Variants in GPM6B observed in about 807,000 individuals in gnomAD.
GPM6B encodes neuronal membrane glycoprotein M6-b.
A neutral mutation model predicts 27.2 loss-of-function variants in GPM6B; 4 were observed. The ratio of observed to expected loss-of-function variants is 0.15; its 90% confidence interval spans 0.07 to 0.34. GPM6B has a LOEUF of 0.34. GPM6B is among the 10% of genes least tolerant of loss of function. GPM6B has a pLI of 1.00. For synonymous variants in GPM6B, 124 were observed against 103.1 expected (o/e 1.20, Z -1.23); for missense variants, 183 against 261.9 (o/e 0.70, Z 2.08).
chrX:13,887,247 G>A (rs1331420832), intron 1 of GPM6B, among the ~76,000 whole-genome samples: 1 of 112,608 alleles, frequency 8.9e-6, no homozygotes, highest in Non-Finnish European at 1.9e-5. Flanking sequence ...GGACTAAAGA[G>A]GGAAGAGTTA....
chrX:13,803,394 C>T (rs1052691689), intron 2 of GPM6B, among the ~76,000 whole-genome samples: 8 of 111,151 alleles, frequency 7.2e-5, no homozygotes, highest in African/African-American at 2.3e-4. Flanking sequence ...ACCAACACTC[C>T]AGAGGGCCCT....
At chrX:13,799,917 C>A (rs1326345288) in intron 2 of GPM6B, among the ~76,000 whole-genome samples, 5 of 111,622 alleles carry the variant, frequency 4.5e-5, no homozygotes, top group Non-Finnish European at 1.9e-5. Flanking sequence ...AAGACACCAC[C>A]CCCAATGATC....
Position 13,771,436 on chromosome X carries a change from AAG to A in GPM6B, c.*1443_*1444del, listed in dbSNP as rs1443389235. 1 of 112,123 alleles carries A rather than the reference AAG, an allele frequency of 8.9e-6. No homozygotes were observed. Among genetic ancestry groups the A allele is most frequent in the East Asian group, 2.8e-4 (1 of 3,609 alleles). The allele number at this position is 112,123 out of a possible 1,213,427, so 9.2% of individuals were successfully genotyped here. ...AGGCATTTTTAGGCATTAACCAAAA[AAG>A]AGAATCCAAATGAAATATTATACTT... is the stretch of plus-strand genomic sequence containing the variant. On this transcript the variant is annotated 3_prime_UTR_variant, in exon 8 of 8. Transcript: ENST00000316715.
At chrX:13,842,090 A>C (rs750266061) in intron 1 of GPM6B, among the ~76,000 whole-genome samples, 625 of 111,935 alleles carry the variant, frequency 5.6e-3, no homozygotes, top group Non-Finnish European at 8.8e-3. Context: ...TTTAAGTTTT[A>C]CATTCCAAAA....
At chrX:13,841,847 A>G (rs2049579869) in intron 1 of GPM6B, among the ~76,000 whole-genome samples, 1 of 111,022 alleles carries the variant, frequency 9.0e-6, no homozygotes, top group Non-Finnish European at 1.9e-5. Context: ...CTCACCCACC[A>G]TGTTTCTCTT....
At chrX:13,915,546 C>A (rs1394134909) in intron 1 of GPM6B, among the ~76,000 whole-genome samples, 2 of 112,475 alleles carry the variant, frequency 1.8e-5, no homozygotes, top group Non-Finnish European at 3.8e-5. Context: ...AGCCAGAATT[C>A]TTGGGCTTAA....
chrX:13,804,968 C>A (rs2048996396), intron 2 of GPM6B, among the ~76,000 whole-genome samples: 1 of 111,196 alleles, frequency 9.0e-6, no homozygotes, highest in African/African-American at 3.3e-5. Flanking sequence ...GAGTGGGTCC[C>A]TTCACTCTGT....
upstream of GPM6B, chrX:13,817,153 C>T (rs1168970741): frequency 3.2e-6 from 3 of 935,636 alleles, no homozygotes; most frequent in East Asian, 1.3e-4. Flanking sequence ...ACCGAGGATC[C>T]CAGTTAGAAA....
chrX:13,935,093 G>A (rs1361179556), intron 1 of GPM6B, among the ~76,000 whole-genome samples: 1 of 111,821 alleles, frequency 8.9e-6, no homozygotes, highest in Non-Finnish European at 1.9e-5. Context: ...TGAAATTATT[G>A]ACATTTAAAT....
At chrX:13,826,576 A>C (rs2049376119) in intron 1 of GPM6B, among the ~76,000 whole-genome samples, 1 of 93,415 alleles carries the variant, frequency 1.1e-5, no homozygotes. Context: ...ATACATACAT[A>C]CATACATACA....
At chrX:13,900,130 A>C (rs1478029696) in intron 1 of GPM6B, among the ~76,000 whole-genome samples, 1 of 111,813 alleles carries the variant, frequency 8.9e-6, no homozygotes, top group Non-Finnish European at 1.9e-5. Flanking sequence ...GTAATGCCTC[A>C]TAGGTGGTCC....
chrX:13,937,676 TAC>T (rs1263152248), intron 1 of GPM6B, among the ~76,000 whole-genome samples: 15 of 111,664 alleles, frequency 1.3e-4, no homozygotes, highest in Admixed American at 1.9e-4. Flanking sequence ...TTCCTCCCAA[TAC>T]AGAGTCCCCA....
chrX:13,931,295 A>AGGAGATAGAGACCATCCT (rs1569314292), intron 1 of GPM6B, among the ~76,000 whole-genome samples: 2 of 110,924 alleles, frequency 1.8e-5, no homozygotes, highest in Non-Finnish European at 3.8e-5. Context: ...TCACAAGGTC[A>AGGAGATAGAGACCATCCT]GGCTATCATG....
chrX:13,784,254 T>C (rs768020644), intron 3 of GPM6B, among the ~76,000 whole-genome samples: 1 of 112,578 alleles, frequency 8.9e-6, no homozygotes, highest in African/African-American at 3.2e-5. Context: ...GGGTAAGGCA[T>C]GGGGATTTTC....
intron 1 of GPM6B, among the ~76,000 whole-genome samples, chrX:13,809,146 T>A (rs180682578): frequency 8.9e-6 from 1 of 111,819 alleles, no homozygotes; most frequent in South Asian, 3.7e-4. Context: ...TATTATTCCA[T>A]TTTTACAAGG....
rs923051340 is a variant in GPM6B at position 13,772,254 on chromosome X, G to A, written c.*627C>T. 2.7e-5 allele frequency: 3 copies of A among 112,312 alleles called. No homozygotes were observed. The highest frequency in any genetic ancestry group is 5.6e-5 in the Non-Finnish European group (3 of 53,200). The allele number at this position is 112,312 out of a possible 1,213,427, so 9.3% of individuals were successfully genotyped here. ...AGATTCTTTAATAGTAGGGTCAGCA[G>A]AATTGTAGCTAATTTTAGCATTATT... On this transcript the variant is annotated 3_prime_UTR_variant, in exon 8 of 8. Coordinates refer to ENST00000316715, the MANE Select transcript of GPM6B (RefSeq NM_001001995.3).
At chrX:13,826,727 G>A (rs2049377894) in intron 1 of GPM6B, among the ~76,000 whole-genome samples, 2 of 110,606 alleles carry the variant, frequency 1.8e-5, no homozygotes. Context: ...GACAGAGTGA[G>A]ACCCTGTTTT....
intron 1 of GPM6B, among the ~76,000 whole-genome samples, chrX:13,877,332 GAAGTA>G (rs767427172): frequency 1.8e-5 from 2 of 112,041 alleles, no homozygotes; most frequent in Admixed American, 1.9e-4. Context: ...CAAGGATAGT[GAAGTA>G]GAGTTTCCTT....
At chrX:13,801,955 C>T (rs979971553) in intron 2 of GPM6B, among the ~76,000 whole-genome samples, 10 of 110,969 alleles carry the variant, frequency 9.0e-5, no homozygotes, top group East Asian at 2.8e-4. Flanking sequence ...TTTTCATAGA[C>T]GTGGACGCAC....
Sources: gnomAD v4.1 joint callset for allele counts (sites outside exome capture counted in the v4.1 genomes callset) on GRCh38, gnomAD v4.1.1 for gene constraint, MANE v1.5 for transcripts, NCBI Gene and HGNC (gene_info 2026-07-23, HGNC 2026-07-21) for gene names.